Variants in KDM4B observed in about 807,000 individuals in gnomAD.
KDM4B encodes lysine demethylase 4B.
In KDM4B, 32 loss-of-function variants were observed where a neutral mutation model predicts 125.2. The ratio of observed to expected loss-of-function variants is 0.26; its 90% CI spans 0.19 to 0.34. The LOEUF (loss-of-function observed/expected upper bound fraction) is 0.34. Ranked by LOEUF, KDM4B falls within the 10% of genes least tolerant of loss-of-function variation. The probability of loss-of-function intolerance (pLI) is 1.00; values close to 1 mark genes in which losing one functional copy is unlikely to be tolerated. For missense variants in KDM4B, 1,190 were observed against 1,577.7 expected (o/e 0.75, Z 4.16); for synonymous variants, 721 against 677.9 (o/e 1.06, Z -0.99).
chr19:4,980,112 A>G (rs986370024), intron 1 of KDM4B, among the ~76,000 whole-genome samples: 14 of 152,238 alleles, frequency 9.2e-5, no homozygotes, highest in African/African-American at 3.1e-4. Flanking sequence ...CTCAAAAAAA[A>G]AAAGATACAA....
intron 6 of KDM4B, among the ~76,000 whole-genome samples, chr19:5,057,065 T>TGTGTGTGTGTGTGC (rs55806859): frequency 9.7e-4 from 125 of 128,398 alleles, no homozygotes; most frequent in African/African-American, 3.6e-3. Context: ...TGTGTGTGTG[T>TGTGTGTGTGTGTGC]GCGCGCGCGC....
chr19:5,129,964 C>T (rs1421031510), intron 11 of KDM4B, among the ~76,000 whole-genome samples: 3 of 152,242 alleles, frequency 2.0e-5, no homozygotes, highest in African/African-American at 4.8e-5. Flanking sequence ...CGACACAGAG[C>T]GCCGCTGGGC....
chr19:4,983,851 A>T (rs1206742489), intron 1 of KDM4B, among the ~76,000 whole-genome samples: 1 of 152,120 alleles, frequency 6.6e-6, no homozygotes, highest in Non-Finnish European at 1.5e-5. Flanking sequence ...GAGACCTGCT[A>T]CCCATGCACG....
chr19:5,031,528 T>C (rs2036457391), intron 2 of KDM4B, among the ~76,000 whole-genome samples: 2 of 152,198 alleles, frequency 1.3e-5, no homozygotes, highest in Non-Finnish European at 2.9e-5. Context: ...CTTGGAGCTG[T>C]GCGGTTTTGT....
chr19:4,976,707 A>T (rs2034458838), intron 1 of KDM4B, among the ~76,000 whole-genome samples: 1 of 152,226 alleles, frequency 6.6e-6, no homozygotes, highest in Non-Finnish European at 1.5e-5. Flanking sequence ...GAGGTGGCTT[A>T]TCCAGTGCAG....
At chr19:5,116,259 A>AAG (rs1366233704) in intron 10 of KDM4B, among the ~76,000 whole-genome samples, 1 of 150,696 alleles carries the variant, frequency 6.6e-6, no homozygotes, top group African/African-American at 2.4e-5. Context: ...AAAAAAAAAA[A>AAG]AAAATTATAA....
At chr19:5,042,370 T>A (rs1015777594) in intron 5 of KDM4B, among the ~76,000 whole-genome samples, 5 of 151,996 alleles carry the variant, frequency 3.3e-5, no homozygotes, top group Non-Finnish European at 5.9e-5. Context: ...CATGGTGGTG[T>A]GTGCCTGTAA....
chr19:5,106,166 C>A (rs1286822908), intron 9 of KDM4B, among the ~76,000 whole-genome samples: 1 of 152,174 alleles, frequency 6.6e-6, no homozygotes, highest in Non-Finnish European at 1.5e-5. Flanking sequence ...TCCTGTAGAC[C>A]GCATCTTGCC....
chr19:5,049,788 G>A (rs1209708727), intron 6 of KDM4B, among the ~76,000 whole-genome samples: 7 of 152,110 alleles, frequency 4.6e-5, no homozygotes, highest in South Asian at 2.1e-4. Flanking sequence ...GTCACCCCGT[G>A]TCCCAGCTCC....
intron 9 of KDM4B, among the ~76,000 whole-genome samples, chr19:5,085,443 G>A (rs1013670644): frequency 3.9e-5 from 6 of 152,222 alleles, no homozygotes; most frequent in Non-Finnish European, 8.8e-5. Flanking sequence ...TTGTCCTGGA[G>A]GTGCTGTCGG....
intron 6 of KDM4B, among the ~76,000 whole-genome samples, chr19:5,050,404 T>TC (rs751557952): frequency 2.0e-4 from 30 of 152,280 alleles, no homozygotes; most frequent in African/African-American, 6.3e-4. Context: ...ACCTGCAACT[T>TC]CCCCCCGCCA....
intron 9 of KDM4B, 45 bp from the exon 10 acceptor site, chr19:5,110,577 C>T (rs776992599): frequency 4.4e-5 from 71 of 1,601,622 alleles, no homozygotes; most frequent in East Asian, 6.7e-5. Context: ...TGGAGCCAGC[C>T]GTCCAGGTGT....
chr19:5,108,217 A>G (rs2039073054), intron 9 of KDM4B, among the ~76,000 whole-genome samples: 1 of 152,140 alleles, frequency 6.6e-6, no homozygotes, highest in Non-Finnish European at 1.5e-5. Flanking sequence ...CAAATCCCCT[A>G]AGCTGCTGTG....
chr19:5,118,594 C>A (rs778214209), intron 10 of KDM4B, among the ~76,000 whole-genome samples: 1 of 152,224 alleles, frequency 6.6e-6, no homozygotes, highest in South Asian at 2.1e-4. Flanking sequence ...GGAACCACCC[C>A]CTCCGCATCT....
At chr19:4,973,579 G>A (rs1471410187) in intron 1 of KDM4B, among the ~76,000 whole-genome samples, 1 of 152,120 alleles carries the variant, frequency 6.6e-6, no homozygotes, top group Non-Finnish European at 1.5e-5. Context: ...AATACTGAGG[G>A]GGGAGTGGAT....
intron 2 of KDM4B, among the ~76,000 whole-genome samples, chr19:5,018,128 T>G (rs751095842): frequency 5.3e-5 from 8 of 152,170 alleles, no homozygotes; most frequent in Admixed American, 3.3e-4. Flanking sequence ...AGCCTCCACC[T>G]CCTGGGCTCA....
At chr19:5,089,668 A>G (rs1030129819) in intron 9 of KDM4B, among the ~76,000 whole-genome samples, 8 of 150,742 alleles carry the variant, frequency 5.3e-5, no homozygotes, top group African/African-American at 1.7e-4. Flanking sequence ...ATATGCACTA[A>G]CTTCTCAATA....
In KDM4B at chr19:5,062,756, CTTATG is replaced by C. The variant is rs1466522236; in HGVS notation, c.627-8249_627-8245del. Among the ~76,000 whole-genome samples, 4 of 133,932 alleles carry C rather than the reference CTTATG, an allele frequency of 3.0e-5. No homozygotes were observed. In the Admixed American group the frequency reaches 3.0e-4, roughly 10 times the overall value. The allele number at this position is 133,932 out of a possible 152,430, so 87.9% of individuals were successfully genotyped here. ...TTTGCTTAGATTTCCTAAGTAGAAACTTATGTTATAATTAAACTGTTTTTTTTTTT... is the reference window on the plus strand; with the variant it reads ...TTTGCTTAGATTTCCTAAGTAGAAACTTATAATTAAACTGTTTTTTTTTTT... On this transcript the variant is annotated intron_variant, in intron 6 of 22. Transcript: ENST00000159111.
intron 1 of KDM4B, among the ~76,000 whole-genome samples, chr19:5,007,061 G>C (rs751736576): frequency 1.2e-4 from 19 of 152,094 alleles, no homozygotes; most frequent in Non-Finnish European, 4.4e-5. Context: ...TGGGCGGAAC[G>C]GGGGAGGCGG....
Sources: gnomAD v4.1 joint callset for allele counts (sites outside exome capture counted in the v4.1 genomes callset) on GRCh38, gnomAD v4.1.1 for gene constraint, MANE v1.5 for transcripts, NCBI Gene and HGNC (gene_info 2026-07-23, HGNC 2026-07-21) for gene names.